The following TRPS1 variants were observed in gnomAD, a reference collection of about 807,000 sequenced individuals.
TRPS1 encodes transcriptional repressor GATA binding 1, also known as zinc finger transcription factor Trps1.
A neutral mutation model predicts 101.2 loss-of-function variants in TRPS1; 6 were observed. The ratio of observed to expected loss-of-function variants is 0.06; its 90% CI spans 0.03 to 0.12. The LOEUF is 0.12. Ranked by LOEUF, TRPS1 falls within the 10% of genes least tolerant of loss-of-function variation. The pLI, the probability that TRPS1 is intolerant of heterozygous loss-of-function variation, is 1.00. For synonymous variants in TRPS1, 578 were observed against 589.8 expected, an observed-to-expected ratio of 0.98 and a Z score of 0.29; for missense variants, 1,363 against 1,567.0, an observed-to-expected ratio of 0.87 and a Z score of 2.20.
chr8:115,490,343 T>C (rs1221895549), intron 5 of TRPS1, among the ~76,000 whole-genome samples: 3 of 152,142 alleles, frequency 2.0e-5, no homozygotes, highest in African/African-American at 7.2e-5. Context: ...TAAAGATATA[T>C]AGTTAATTAT....
rs781723590 is a variant in TRPS1 at position 115,414,259 on chromosome 8, T to C, written c.3649A>G (p.Lys1217Glu). Residue 1217 changes from lysine (K) to glutamate (E), a missense_variant, in exon 7 of 7, where the codon AAA becomes GAA. This residue lies in a region of TRPS1 where 307 missense variants were observed against 392.4 expected (regional missense o/e 0.78). Coordinates refer to ENST00000395715, the MANE Select transcript of TRPS1 (RefSeq NM_014112.5). The surrounding 1 kb of genome is among the most constrained non-coding windows in gnomAD (Gnocchi z 4.8). ...EGPLNVVKTE[K>E]VDRSTQDELS... ...TCATCTTGAGTACTTCTATCAACTT[T>C]CTCTGTTTTTACTACATTCAAGGGA... 17 of 1,613,934 alleles carry C rather than the reference T, an allele frequency of 1.1e-5. No homozygotes were observed. The South Asian group carries it at 1.5e-4, about 15-fold the overall frequency.
intron 5 of TRPS1, among the ~76,000 whole-genome samples, chr8:115,571,039 T>C (rs1386250064): frequency 1.3e-5 from 2 of 152,214 alleles, no homozygotes; most frequent in African/African-American, 2.4e-5. Flanking sequence ...CCAACTGTAT[T>C]GTTACCTATT....
Position 115,587,290 on chromosome 8 carries a change from T to C in TRPS1, c.2411A>G (p.Asn804Ser), listed in dbSNP as rs761148536. The C allele has an allele frequency of 1.3e-5, 21 of 1,614,094 alleles. No homozygotes were observed. The highest frequency in any genetic ancestry group is 3.3e-5 in the South Asian group (3 of 91,090). The change falls in exon 5 of 7, where the codon AAT becomes AGT. Residue 804 changes from asparagine (N) to serine (S), a missense_variant. Asn to Ser is a conservative substitution (Grantham distance 46). This residue lies in a region of TRPS1 where 1,020 missense variants were observed against 1,073.0 expected (regional missense o/e 0.95). Coordinates refer to ENST00000395715, the MANE Select transcript of TRPS1 (RefSeq NM_014112.5). ...WTESSSDDLR[N>S]VTWRGADILR... ...GATGTCTGCCCCTCTCCAAGTCACA[T>C]TGCGAAGGTCATCACTGGAACTCTC...
chr8:115,589,621 C>T (rs1245840878), intron 4 of TRPS1, among the ~76,000 whole-genome samples: 1 of 152,022 alleles, frequency 6.6e-6, no homozygotes, highest in African/African-American at 2.4e-5. Context: ...CATAAAAGCA[C>T]AATAGTAAAA....
chr8:115,506,490 G>A (rs563346082), intron 5 of TRPS1, among the ~76,000 whole-genome samples: 1 of 152,008 alleles, frequency 6.6e-6, no homozygotes, highest in East Asian at 1.9e-4. Context: ...GCTTAGTTAT[G>A]AAACTATCTT....
chr8:115,645,522 C>CA (rs747229874), intron 1 of TRPS1, among the ~76,000 whole-genome samples: 1 of 151,994 alleles, frequency 6.6e-6, no homozygotes, highest in African/African-American at 2.4e-5. Flanking sequence ...CTGAGGTATT[C>CA]AAAATTAAAA....
chr8:115,512,687 T>A (rs1815615792), intron 5 of TRPS1, among the ~76,000 whole-genome samples: 1 of 151,646 alleles, frequency 6.6e-6, no homozygotes, highest in Non-Finnish European at 1.5e-5. Context: ...TATCATACTC[T>A]TAGATTTTGG....
chr8:115,586,978 A>G (rs2130442960), intron 5 of TRPS1, 23 bp downstream of exon 5: 1 of 1,613,800 alleles, frequency 6.2e-7, no homozygotes, highest in East Asian at 2.2e-5. Context: ...CAAATGAATT[A>G]TTTAAAAATG....
rs1812718536 is a variant in TRPS1 at position 115,408,929 on chromosome 8, T to G, written c.*5094A>C. ...GCCTTATTGGTAGCCATTAAGAAAC[T>G]ATGATTTTATCAGCCTAGTAATAGT... On this transcript the variant is annotated 3_prime_UTR_variant, in exon 7 of 7. Coordinates refer to ENST00000395715, the MANE Select transcript of TRPS1 (RefSeq NM_014112.5). 1 of 152,304 alleles carries G rather than the reference T, an allele frequency of 6.6e-6. No individual in the cohort carries two copies. Among genetic ancestry groups the G allele is most frequent in the Non-Finnish European group, 1.5e-5 (1 of 67,940 alleles). 9.4% of individuals were successfully genotyped at this position (152,304 alleles called of 1,614,324 possible). A position where few individuals can be genotyped will look rare whatever the true frequency, so the allele number is the denominator to read the frequency against.
chr8:115,512,842 A>C (rs941327791), intron 5 of TRPS1, among the ~76,000 whole-genome samples: 4 of 151,776 alleles, frequency 2.6e-5, no homozygotes, highest in Non-Finnish European at 5.9e-5. Flanking sequence ...CAGAAAAGAC[A>C]TATCAATATA....
chr8:115,587,582 A>T lies in TRPS1; in HGVS notation c.2119T>A (p.Cys707Ser), dbSNP rs1445674114. ...GCAGCTGTAAAACTGCACTGACGGC[A>T]TTTGTAGCAGCTGTGTGCTCTCCTG... is the stretch of plus-strand genomic sequence containing the variant. ...HYRRAHSCYK[C>S]RQCSFTAADT... The change falls in exon 5 of 7, where the codon TGC (cysteine) becomes AGC (serine). Residue 707 changes from cysteine to serine, a missense_variant. By Grantham distance (112) the Cys-to-Ser change is moderately radical. Coordinates refer to ENST00000395715, the MANE Select transcript of TRPS1 (RefSeq NM_014112.5). The T allele has an allele frequency of 1.9e-6, 3 of 1,614,022 alleles. No individual in the cohort carries two copies. The highest frequency in any genetic ancestry group is 1.7e-5 in the Admixed American group (1 of 60,010).
intron 5 of TRPS1, among the ~76,000 whole-genome samples, chr8:115,425,366 C>A (rs1813162730): frequency 6.6e-6 from 1 of 152,190 alleles, no homozygotes; most frequent in African/African-American, 2.4e-5. Flanking sequence ...GGAAACAAAA[C>A]CTGTTTACCC....
At chr8:115,637,242 C>T (rs942034741) in intron 1 of TRPS1, 23 of 985,078 alleles carry the variant, frequency 2.3e-5, no homozygotes, top group Non-Finnish European at 2.7e-5. Flanking sequence ...ACATGGAAGA[C>T]GTGGTTGCCA....
chr8:115,588,333 T>C (rs1000536869), intron 4 of TRPS1, among the ~76,000 whole-genome samples: 1 of 152,198 alleles, frequency 6.6e-6, no homozygotes, highest in East Asian at 1.9e-4. Flanking sequence ...TTATAACCCA[T>C]GATTTTTCTC....
At chr8:115,419,523 C>T (rs924601009) in intron 5 of TRPS1, among the ~76,000 whole-genome samples, 1 of 152,090 alleles carries the variant, frequency 6.6e-6, no homozygotes, top group African/African-American at 2.4e-5. Flanking sequence ...TTAAATATTA[C>T]ATGTGCCATA....
intron 5 of TRPS1, among the ~76,000 whole-genome samples, chr8:115,460,369 G>C (rs1814138978): frequency 6.6e-6 from 1 of 151,852 alleles, no homozygotes; most frequent in Non-Finnish European, 1.5e-5. Flanking sequence ...TTAATGAAAA[G>C]CCCATATATC....
intron 5 of TRPS1, among the ~76,000 whole-genome samples, chr8:115,499,943 CT>C (rs1563555587): frequency 6.6e-4 from 75 of 112,848 alleles, no homozygotes; most frequent in Non-Finnish European, 1.1e-3. Flanking sequence ...TTCTTTCTTT[CT>C]TTCTTTCTTT....
chr8:115,439,429 T>C (rs2129871105), intron 5 of TRPS1, among the ~76,000 whole-genome samples: 2 of 152,322 alleles, frequency 1.3e-5, no homozygotes, highest in South Asian at 2.1e-4. Context: ...AACCAGGCTG[T>C]AAGTTATTTT....
At chr8:115,542,763 G>A (rs1021877057) in intron 5 of TRPS1, among the ~76,000 whole-genome samples, 3 of 152,254 alleles carry the variant, frequency 2.0e-5, no homozygotes, top group South Asian at 4.1e-4. Flanking sequence ...GGATTAATTA[G>A]TGCCTGTGAA....
Sources: allele counts gnomAD v4.1 joint callset (sites outside exome capture counted in the v4.1 genomes callset), GRCh38; gene constraint gnomAD v4.1.1; regional missense constraint gnomAD v4.1.1; non-coding constraint Gnocchi (gnomAD v3.1); transcripts MANE v1.5; gene names NCBI Gene and HGNC (gene_info 2026-07-23, HGNC 2026-07-21).